The following PRKCB variants were observed in gnomAD, a reference collection of about 807,000 sequenced individuals.
PRKCB encodes the protein protein kinase C beta type.
PRKCB carries 13 observed loss-of-function variants against 81.5 expected under a neutral mutation model. The observed-to-expected ratio is 0.16, with a 90% CI of 0.10 to 0.25. The LOEUF is 0.25. Among genes scored for constraint, PRKCB ranks in the 10% least tolerant of loss-of-function variants. The pLI, the probability that PRKCB is intolerant of heterozygous loss-of-function variation, is 1.00. For synonymous variants in PRKCB, 335 were observed against 321.4 expected, an observed-to-expected ratio of 1.04 and a Z score of -0.45; for missense variants, 509 against 875.7, an observed-to-expected ratio of 0.58 and a Z score of 5.29.
Position 24,092,783 on chromosome 16 carries a change from T to C in PRKCB, c.530-8T>C, listed in dbSNP as rs755974100. ...GTATTAATGCAAAAACTGCTTTTTC[T>C]TTTTCAGTAAGAGATGCTAAAAACC... On this transcript the variant is annotated splice_polypyrimidine_tract_variant and splice_region_variant and intron_variant, in intron 5 of 16. Coordinates refer to ENST00000643927, the MANE Select transcript of PRKCB (RefSeq NM_002738.7). The C allele has an allele frequency of 6.2e-7, 1 of 1,611,840 alleles. No homozygotes were observed. The highest frequency in any genetic ancestry group is 1.1e-5 in the South Asian group (1 of 90,802).
intron 12 of PRKCB, among the ~76,000 whole-genome samples, chr16:24,179,431 G>A (rs1463743663): frequency 6.6e-6 from 1 of 152,192 alleles, no homozygotes; most frequent in East Asian, 1.9e-4. Flanking sequence ...CTGAATTAAG[G>A]AATAGATCCC....
intron 12 of PRKCB, among the ~76,000 whole-genome samples, chr16:24,177,037 A>C (rs968988333): frequency 7.2e-5 from 11 of 152,246 alleles, no homozygotes; most frequent in African/African-American, 2.7e-4. Flanking sequence ...TTGGGTGCTG[A>C]CATTAGGACC....
rs115210520 is a variant in PRKCB, at chr16:23,959,922, C to G, written c.206-28586C>G. On this transcript the variant is annotated intron_variant, in intron 2 of 16. Transcript: ENST00000643927. ...GGAAATGAAGTGACATGCTGTAGCA[C>G]TGTTGGTGCTCTGCTGTGTCCCCTC... Among the ~76,000 whole-genome samples the G allele has an allele frequency of 6.4e-3, 968 of 152,304 alleles. 16 individuals carry two copies. Among genetic ancestry groups the G allele is most frequent in the African/African-American group, 0.022 (930 of 41,554 alleles).
At chr16:23,994,856 A>G (rs965404261) in intron 3 of PRKCB, among the ~76,000 whole-genome samples, 4 of 152,228 alleles carry the variant, frequency 2.6e-5, no homozygotes, top group African/African-American at 9.6e-5. Flanking sequence ...TCAGGGGTAT[A>G]TCAACTCTTC....
At chr16:23,846,254 G>C (rs187620657) in intron 2 of PRKCB, among the ~76,000 whole-genome samples, 2 of 141,078 alleles carry the variant, frequency 1.4e-5, no homozygotes. Context: ...TGGGCACTTA[G>C]TAGATATCTG....
At chr16:24,188,591 A>G (rs1334309150) in intron 15 of PRKCB, among the ~76,000 whole-genome samples, 1 of 146,528 alleles carries the variant, frequency 6.8e-6, no homozygotes. Flanking sequence ...ATTTTCTACT[A>G]AAAAAAAAAA....
intron 2 of PRKCB, among the ~76,000 whole-genome samples, chr16:23,880,386 C>T (rs183538776): frequency 6.6e-6 from 1 of 152,286 alleles, no homozygotes; most frequent in East Asian, 1.9e-4. Context: ...CCTTCTCCCC[C>T]TCCTTCTCAC....
intron 2 of PRKCB, among the ~76,000 whole-genome samples, chr16:23,882,047 T>TTCCTTCCTTCCTTCCC (rs1963130829): frequency 8.7e-6 from 1 of 115,424 alleles, no homozygotes; most frequent in African/African-American, 3.0e-5. Context: ...CCTTCCTTCC[T>TTCCTTCCTTCCTTCCC]TCCTTCCTTC....
intron 2 of PRKCB, among the ~76,000 whole-genome samples, chr16:23,925,100 T>C (rs971187324): frequency 5.9e-5 from 9 of 152,076 alleles, no homozygotes; most frequent in African/African-American, 2.2e-4. Context: ...GCCTTCTAGT[T>C]TACCTCAATA....
intron 16 of PRKCB, chr16:24,191,603 A>AT (rs750291629): frequency 1.0e-4 from 17 of 165,024 alleles, no homozygotes; most frequent in South Asian, 1.9e-4. Context: ...CAACTGTGTC[A>AT]TTTTTTCTTC....
At chr16:23,931,222 T>C (rs1221195604) in intron 2 of PRKCB, among the ~76,000 whole-genome samples, 1 of 152,328 alleles carries the variant, frequency 6.6e-6, no homozygotes, top group African/African-American at 2.4e-5. Context: ...GAGTTTTCTT[T>C]ATCAGTTCCA....
chr16:23,943,715 A>G (rs1430773855), intron 2 of PRKCB, among the ~76,000 whole-genome samples: 1 of 152,250 alleles, frequency 6.6e-6, no homozygotes, highest in Non-Finnish European at 1.5e-5. Flanking sequence ...TTTACAAATC[A>G]CACAATACTT....
chr16:24,019,789 A>AT (rs1214787108), intron 3 of PRKCB, among the ~76,000 whole-genome samples: 6 of 151,430 alleles, frequency 4.0e-5, no homozygotes, highest in African/African-American at 1.5e-4. Context: ...AAAAAATGAG[A>AT]TTTTTTTCCA....
At chr16:23,903,089 C>A (rs1355947668) in intron 2 of PRKCB, among the ~76,000 whole-genome samples, 1 of 151,230 alleles carries the variant, frequency 6.6e-6, no homozygotes, top group Non-Finnish European at 1.5e-5. Flanking sequence ...CTTCAGCCTC[C>A]CCAAGTTCTG....
rs869265824 is a variant in PRKCB at position 24,219,655 on chromosome 16, AACACACACACACACACAC to A, written c.*4870_*4887del. 2.8e-5 allele frequency: 21 copies of A among 742,542 alleles called. No individual in the cohort carries two copies. The Admixed American group carries it at 3.0e-4, about 11-fold the overall frequency. 46.0% of individuals were successfully genotyped at this position (742,542 alleles called of 1,614,324 possible). ...ATCCTAAAGCCAAAGAAAATACAGC[AACACACACACACACACAC>A]ACACACACACACACACACACACACA... is the stretch of plus-strand genomic sequence containing the variant. On this transcript the variant is annotated 3_prime_UTR_variant, in exon 17 of 17. Transcript: ENST00000643927.
At chr16:23,918,949 G>A (rs574678728) in intron 2 of PRKCB, among the ~76,000 whole-genome samples, 1 of 152,280 alleles carries the variant, frequency 6.6e-6, no homozygotes, top group Admixed American at 6.5e-5. Context: ...CTTGCTTTGA[G>A]CATAATCTGG....
chr16:23,904,549 G>C lies in PRKCB; in HGVS notation c.205+67143G>C, dbSNP rs1963527721. 2.0e-5 allele frequency among the ~76,000 whole-genome samples: 3 copies of C among 152,118 alleles called. No individual in the cohort carries two copies. In the South Asian group the frequency reaches 6.2e-4, roughly 32 times the overall value. ...ATGGTTGTGGGTGCCTGTGATTTCA[G>C]CTACTTGGGAGGCTGAGGCAGAAGA... On this transcript the variant is annotated intron_variant, in intron 2 of 16. Coordinates refer to ENST00000643927, the MANE Select transcript of PRKCB (RefSeq NM_002738.7).
chr16:24,078,364 T>C (rs1234376610), intron 5 of PRKCB, among the ~76,000 whole-genome samples: 2 of 152,198 alleles, frequency 1.3e-5, no homozygotes, highest in African/African-American at 2.4e-5. Flanking sequence ...GAGTGAGGAA[T>C]TGGTAAACCT....
At chr16:24,044,332 A>G (rs2141864513) in intron 5 of PRKCB, among the ~76,000 whole-genome samples, 1 of 152,300 alleles carries the variant, frequency 6.6e-6, no homozygotes, top group African/African-American at 2.4e-5. Flanking sequence ...CATGCACTAC[A>G]GCCTGGGTGA....
Sources: gnomAD v4.1 joint callset for allele counts (sites outside exome capture counted in the v4.1 genomes callset) on GRCh38, gnomAD v4.1.1 for gene constraint, MANE v1.5 for transcripts, NCBI Gene and HGNC (gene_info 2026-07-23, HGNC 2026-07-21) for gene names.